The following RFX4 variants were observed in gnomAD, a reference collection of about 807,000 sequenced individuals.
The protein encoded by RFX4 is regulatory factor X4, also known as transcription factor RFX4.
A neutral mutation model predicts 95.0 loss-of-function variants in RFX4; 10 were observed. The observed-to-expected ratio is 0.11, with a 90% CI of 0.06 to 0.18. The LOEUF (loss-of-function observed/expected upper bound fraction) is 0.18. Ranked by LOEUF, RFX4 falls within the 10% of genes least tolerant of loss-of-function variation. The pLI, the probability that RFX4 is intolerant of heterozygous loss-of-function variation, is 1.00. For missense variants in RFX4, 640 were observed against 922.0 expected (o/e 0.69, Z 3.96); for synonymous variants, 321 against 340.7 (o/e 0.94, Z 0.64).
rs2042376841 is a variant in RFX4 at position 106,720,526 on chromosome 12, G to T, written c.1234-233G>T. Among the ~76,000 whole-genome samples, 1 of 152,018 alleles carries T rather than the reference G, an allele frequency of 6.6e-6. No homozygotes were observed. The highest frequency in any genetic ancestry group is 2.1e-4 in the South Asian group (1 of 4,816). On this transcript the variant is annotated intron_variant, in intron 12 of 17. Coordinates refer to ENST00000392842, the MANE Select transcript of RFX4 (RefSeq NM_213594.3). This position sits in a 1 kb window ranked among gnomAD's most constrained non-coding sequence, Gnocchi z 4.2. ...GCCTCCTGAGTAGCTGGGACTACAG[G>T]GGTGTGCCACCATTCCCAGCTAATT...
intron 4 of RFX4, among the ~76,000 whole-genome samples, chr12:106,679,861 C>T (rs560704120): frequency 5.8e-4 from 89 of 152,168 alleles, no homozygotes; most frequent in Non-Finnish European, 1.1e-3. Context: ...GGCCACTAAA[C>T]CTGGATGCAG....
chr12:106,692,446 A>G (rs2041802862), intron 7 of RFX4, among the ~76,000 whole-genome samples: 2 of 152,218 alleles, frequency 1.3e-5, no homozygotes, highest in South Asian at 4.1e-4. Context: ...TAATTATTTT[A>G]TTGAGAGCCT....
At position 106,654,005 on chromosome 12, in the gene RFX4, C is replaced by T. The variant is rs371723528; in HGVS notation, c.192-223C>T. Among the ~76,000 whole-genome samples the T allele has an allele frequency of 1.8e-4, 27 of 152,260 alleles. No individual in the cohort carries two copies. In the East Asian group the frequency reaches 4.8e-3, roughly 27 times the overall value. On this transcript the variant is annotated intron_variant, in intron 3 of 17. Coordinates refer to ENST00000392842, the MANE Select transcript of RFX4 (RefSeq NM_213594.3). ...TGGGAATTTGGGCTGAAAAAGTAGC[C>T]TGGTGTCATACCCAAAGGGGCCAGG...
intron 2 of RFX4, among the ~76,000 whole-genome samples, chr12:106,617,280 C>T (rs2040091645): frequency 6.6e-6 from 1 of 152,016 alleles, no homozygotes; most frequent in Non-Finnish European, 1.5e-5. Flanking sequence ...CTTCCTTCTA[C>T]TTTCTTTCAG....
chr12:106,592,791 T>C (rs1039712156), intron 1 of RFX4, among the ~76,000 whole-genome samples: 1 of 152,210 alleles, frequency 6.6e-6, no homozygotes, highest in African/African-American at 2.4e-5. Flanking sequence ...TTTGCCTTTC[T>C]TGCATTTATA....
At chr12:106,603,280 T>C (rs1398487295) in intron 1 of RFX4, among the ~76,000 whole-genome samples, 1 of 152,224 alleles carries the variant, frequency 6.6e-6, no homozygotes, top group African/African-American at 2.4e-5. Flanking sequence ...TGCGGCTACT[T>C]CTGGGTTATT....
At chr12:106,707,613 G>A (rs1271115289) in intron 8 of RFX4, among the ~76,000 whole-genome samples, 1 of 152,098 alleles carries the variant, frequency 6.6e-6, no homozygotes, top group Middle Eastern at 3.2e-3. Context: ...CAAGTCCACT[G>A]GGTTTAGAAT....
chr12:106,609,574 G>A (rs762758741), intron 2 of RFX4, among the ~76,000 whole-genome samples: 6 of 152,076 alleles, frequency 3.9e-5, no homozygotes, highest in East Asian at 1.9e-4. Flanking sequence ...CATGAGCCCC[G>A]GCCCACCTGC....
chr12:106,736,985 CTG>C (rs1377627949), intron 15 of RFX4, among the ~76,000 whole-genome samples: 1 of 152,024 alleles, frequency 6.6e-6, no homozygotes, highest in Admixed American at 6.6e-5. Context: ...ACTTCTCACA[CTG>C]TTCCTTCTTC....
chr12:106,719,905 G>A, intron 11 of RFX4, 55 bp from the exon 12 acceptor site: 1 of 1,352,684 alleles, frequency 7.4e-7, no homozygotes, highest in South Asian at 1.2e-5. Context: ...TTAAGACGTA[G>A]CTCTTGTTAA....
chr12:106,747,637 A>G, intron 16 of RFX4, 38 bp downstream of exon 16: 1 of 1,604,326 alleles, frequency 6.2e-7, no homozygotes, highest in Non-Finnish European at 8.5e-7. Flanking sequence ...GACTTTTAAA[A>G]TTTGATCTAA....
At chr12:106,624,104 T>C (rs985083303) in intron 2 of RFX4, among the ~76,000 whole-genome samples, 1 of 152,318 alleles carries the variant, frequency 6.6e-6, no homozygotes, top group Admixed American at 6.5e-5. Context: ...TGTGTGTCTC[T>C]CTTTTATCAG....
chr12:106,741,069 C>A (rs1054415126), intron 15 of RFX4, among the ~76,000 whole-genome samples: 2 of 152,142 alleles, frequency 1.3e-5, no homozygotes, highest in South Asian at 4.1e-4. Flanking sequence ...GGAACTGATT[C>A]ATTTGCTGCC....
chr12:106,734,061 G>C (rs1480305523), intron 15 of RFX4, among the ~76,000 whole-genome samples: 2 of 152,172 alleles, frequency 1.3e-5, no homozygotes, highest in Non-Finnish European at 2.9e-5. Context: ...CTTAATGAAA[G>C]AAGCCAGACA....
chr12:106,687,164 T>A, intron 6 of RFX4, 67 bp downstream of exon 6: 1 of 1,025,582 alleles, frequency 9.8e-7, no homozygotes, highest in Non-Finnish European at 1.5e-6. Flanking sequence ...TCTCTCTGTC[T>A]CTATCTCTCT....
intron 2 of RFX4, among the ~76,000 whole-genome samples, chr12:106,626,003 C>T (rs1385832901): frequency 6.6e-6 from 1 of 152,158 alleles, no homozygotes; most frequent in Non-Finnish European, 1.5e-5. Flanking sequence ...TCCCTGCTCT[C>T]AATGAATTTT....
chr12:106,732,372 G>A (rs752075140), intron 14 of RFX4, 123 bp downstream of exon 14: 120 of 1,341,940 alleles, frequency 8.9e-5, no homozygotes, highest in Non-Finnish European at 1.1e-4. Context: ...CAGGTTAAGT[G>A]GTATCAAACC....
At chr12:106,608,771 T>C (rs767284628) in intron 1 of RFX4, 26 bp from the exon 2 acceptor site, 5 of 1,554,746 alleles carry the variant, frequency 3.2e-6, no homozygotes, top group African/African-American at 2.9e-5. Flanking sequence ...TTCTTTTCTT[T>C]CTTTCTTTCT....
At chr12:106,609,744 T>G (rs2039917112) in intron 2 of RFX4, among the ~76,000 whole-genome samples, 1 of 129,870 alleles carries the variant, frequency 7.7e-6, no homozygotes, top group Admixed American at 7.3e-5. Flanking sequence ...TTGATGGGGT[T>G]TTTTTTTTCT....
Sources: allele counts gnomAD v4.1 joint callset (sites outside exome capture counted in the v4.1 genomes callset), GRCh38; gene constraint gnomAD v4.1.1; non-coding constraint Gnocchi (gnomAD v3.1); transcripts MANE v1.5; gene names NCBI Gene and HGNC (gene_info 2026-07-23, HGNC 2026-07-21).